Variants in C10orf90 observed in about 807,000 individuals in gnomAD.
C10orf90 encodes (E2-independent) E3 ubiquitin-conjugating enzyme FATS.
A neutral mutation model predicts 62.5 loss-of-function variants in C10orf90; 56 were observed. The observed-to-expected ratio is 0.90, with a 90% CI of 0.72 to 1.12. The LOEUF (loss-of-function observed/expected upper bound fraction) is 1.12. Ranked by LOEUF, C10orf90 falls within the 50% of genes most tolerant of loss-of-function variation. The pLI is 0.00. For missense variants in C10orf90, 970 were observed against 880.4 expected, an observed-to-expected ratio of 1.10 and a Z score of -1.29; for synonymous variants, 386 against 340.4, an observed-to-expected ratio of 1.13 and a Z score of -1.47.
intron 2 of C10orf90, among the ~76,000 whole-genome samples, chr10:126,627,238 A>T (rs915099587): frequency 6.6e-5 from 10 of 152,012 alleles, no homozygotes; most frequent in Admixed American, 1.3e-4. Context: ...GATCTCAAGT[A>T]ATCTACCCAC....
At chr10:126,473,364 C>T (rs1422516366) in intron 4 of C10orf90, among the ~76,000 whole-genome samples, 1 of 152,156 alleles carries the variant, frequency 6.6e-6, no homozygotes, top group Non-Finnish European at 1.5e-5. Flanking sequence ...TAGAAAACCC[C>T]CATTTTGTTC....
chr10:126,494,009 A>C (rs1323991686), intron 4 of C10orf90, among the ~76,000 whole-genome samples: 6 of 152,316 alleles, frequency 3.9e-5, no homozygotes, highest in Non-Finnish European at 7.3e-5. Flanking sequence ...TCGGAACTGC[A>C]GTGGTCCACG....
intron 4 of C10orf90, among the ~76,000 whole-genome samples, chr10:126,481,722 A>T (rs751927131): frequency 2.0e-5 from 3 of 151,970 alleles, no homozygotes; most frequent in Middle Eastern, 3.2e-3. Context: ...CTTCCCTCCT[A>T]TCTCTCCCCG....
chr10:126,509,877 A>G (rs1025021250), intron 3 of C10orf90, among the ~76,000 whole-genome samples: 1 of 152,202 alleles, frequency 6.6e-6, no homozygotes, highest in African/African-American at 2.4e-5. Flanking sequence ...GGGCTACCAT[A>G]GCACCAAAGT....
chr10:126,452,582 A>G (rs540304966), intron 7 of C10orf90, among the ~76,000 whole-genome samples: 1 of 152,354 alleles, frequency 6.6e-6, no homozygotes, highest in South Asian at 2.1e-4. Flanking sequence ...CATTTTCCTT[A>G]TCATTCTGAA....
At chr10:126,517,624 G>T (rs917540440) in intron 2 of C10orf90, among the ~76,000 whole-genome samples, 3 of 152,128 alleles carry the variant, frequency 2.0e-5, no homozygotes, top group African/African-American at 7.2e-5. Flanking sequence ...GGAATACAAA[G>T]GTTGGGGCCA....
intron 7 of C10orf90, among the ~76,000 whole-genome samples, chr10:126,448,824 C>A (rs1036613571): frequency 6.6e-6 from 1 of 152,086 alleles, no homozygotes. Flanking sequence ...CCTGCCAAGA[C>A]TGAATTGTGG....
chr10:126,606,965 T>C (rs149016084), intron 2 of C10orf90, among the ~76,000 whole-genome samples: 2 of 152,318 alleles, frequency 1.3e-5, no homozygotes. Flanking sequence ...CTCTTAAAAC[T>C]GTCATTCTCA....
intron 1 of C10orf90, among the ~76,000 whole-genome samples, chr10:126,656,709 A>G (rs565576874): frequency 6.6e-6 from 1 of 152,310 alleles, no homozygotes; most frequent in East Asian, 1.9e-4. Context: ...GTTGAGTGCA[A>G]AGGGCACAGG....
intron 2 of C10orf90, among the ~76,000 whole-genome samples, chr10:126,616,438 A>G (rs1011553779): frequency 6.6e-6 from 1 of 152,172 alleles, no homozygotes; most frequent in African/African-American, 2.4e-5. Flanking sequence ...TCCCTACCCC[A>G]TTGAATCTTC....
chr10:126,507,059 A>T (rs957924940), intron 3 of C10orf90, among the ~76,000 whole-genome samples: 6 of 152,118 alleles, frequency 3.9e-5, no homozygotes, highest in East Asian at 1.9e-4. Flanking sequence ...TGGGTTTTTT[A>T]AAAAAAGGAT....
At chr10:126,555,814 T>C (rs1864757567) in intron 2 of C10orf90, among the ~76,000 whole-genome samples, 2 of 152,280 alleles carry the variant, frequency 1.3e-5, no homozygotes, top group Admixed American at 6.5e-5. Flanking sequence ...CTGACAGAAG[T>C]TGGCAGATGG....
intron 2 of C10orf90, among the ~76,000 whole-genome samples, chr10:126,532,996 T>A (rs532351384): frequency 2.7e-5 from 4 of 150,850 alleles, no homozygotes; most frequent in East Asian, 4.0e-4. Context: ...GCAGTGGCGC[T>A]ATCTCGGCTC....
intron 2 of C10orf90, among the ~76,000 whole-genome samples, chr10:126,613,052 T>C (rs868479563): frequency 1.1e-4 from 17 of 152,200 alleles, no homozygotes; most frequent in African/African-American, 4.1e-4. Context: ...TTATTATTAA[T>C]ATTCAAGCAG....
chr10:126,485,864 A>T (rs909672016), intron 4 of C10orf90, among the ~76,000 whole-genome samples: 1 of 151,860 alleles, frequency 6.6e-6, no homozygotes, highest in East Asian at 1.9e-4. Flanking sequence ...GGAGAATGGC[A>T]TGAACCCGGG....
At chr10:126,459,980 T>C (rs1859862101) in intron 6 of C10orf90, among the ~76,000 whole-genome samples, 1 of 152,254 alleles carries the variant, frequency 6.6e-6, no homozygotes, top group Admixed American at 6.5e-5. Context: ...TTTCTTTCCA[T>C]TTGACAGATG....
rs76057579 is a variant in C10orf90 at position 126,431,443 on chromosome 10, G to A, written c.2189-1593C>T. On this transcript the variant is annotated intron_variant, in intron 7 of 9. Coordinates refer to ENST00000488181, the MANE Select transcript of C10orf90 (RefSeq NM_001350921.2). Reference sequence around the variant, plus strand: ...GCCAAGATGCTTCCCAGTATCCAGCGGTCCCTGCTCCAGGCAGCACCAGGT... The same window carrying A: ...GCCAAGATGCTTCCCAGTATCCAGCAGTCCCTGCTCCAGGCAGCACCAGGT... 2.5e-3 allele frequency among the ~76,000 whole-genome samples: 375 copies of A among 152,248 alleles called. 1 individual carries two copies. The highest frequency in any genetic ancestry group is 8.5e-3 in the African/African-American group (353 of 41,550).
At chr10:126,656,540 C>A (rs1846398004) in intron 1 of C10orf90, among the ~76,000 whole-genome samples, 1 of 152,206 alleles carries the variant, frequency 6.6e-6, no homozygotes, top group Non-Finnish European at 1.5e-5. Context: ...AGTAGAACAT[C>A]ATTTCTTTAA....
intron 7 of C10orf90, among the ~76,000 whole-genome samples, chr10:126,436,048 C>T (rs966298417): frequency 1.6e-4 from 24 of 152,182 alleles, no homozygotes; most frequent in Non-Finnish European, 3.5e-4. Flanking sequence ...CTAAGGAAGG[C>T]TGGCACACAT....
Sources: allele counts gnomAD v4.1 joint callset (sites outside exome capture counted in the v4.1 genomes callset), GRCh38; gene constraint gnomAD v4.1.1; transcripts MANE v1.5; gene names NCBI Gene and HGNC (gene_info 2026-07-23, HGNC 2026-07-21).